SNTG1: variants seen among roughly 807,000 people sequenced by gnomAD.
SNTG1 encodes the protein syntrophin gamma 1, also known as gamma-1-syntrophin.
A neutral mutation model predicts 74.7 loss-of-function variants in SNTG1; 39 were observed. The observed-to-expected ratio is 0.52, with a 90% CI of 0.40 to 0.68. The LOEUF is 0.68. SNTG1 is among the 30% of genes least tolerant of loss of function. SNTG1 has a pLI of 0.00. For synonymous variants in SNTG1, 254 were observed against 217.1 expected (o/e 1.17, Z -1.49); for missense variants, 685 against 609.5 (o/e 1.12, Z -1.30).
intron 1 of SNTG1, among the ~76,000 whole-genome samples, chr8:50,082,364 A>C (rs1822489326): frequency 6.6e-6 from 1 of 152,148 alleles, no homozygotes; most frequent in Non-Finnish European, 1.5e-5. Flanking sequence ...TTGATAATGT[A>C]TGTTGTAATT....
At chr8:49,922,015 T>A (rs1311006003) in intron 1 of SNTG1, among the ~76,000 whole-genome samples, 2 of 152,128 alleles carry the variant, frequency 1.3e-5, no homozygotes, top group African/African-American at 2.4e-5. Flanking sequence ...CCTTCTCTGC[T>A]TTTCATGTTG....
rs536144016 is a variant in SNTG1 at position 49,994,960 on chromosome 8, A to G, written c.-103+82729A>G. ...TTAACAGAATGTAAGTGCTAGGAAA[A>G]AGGTGTAGTAATTGCATAGCCAAAT... On this transcript the variant is annotated intron_variant, in intron 1 of 18. Coordinates refer to ENST00000642720, the MANE Select transcript of SNTG1 (RefSeq NM_018967.5). 2.0e-5 allele frequency among the ~76,000 whole-genome samples: 3 copies of G among 152,204 alleles called. No homozygotes were observed. The South Asian group carries it at 6.2e-4, about 32-fold the overall frequency.
intron 18 of SNTG1, among the ~76,000 whole-genome samples, chr8:50,758,284 C>G (rs2095586779): frequency 6.6e-6 from 1 of 151,662 alleles, no homozygotes. Flanking sequence ...ACTGTGATGT[C>G]TTTTTTCCGT....
intron 2 of SNTG1, among the ~76,000 whole-genome samples, chr8:50,316,408 G>T (rs2090320547): frequency 6.6e-6 from 1 of 152,108 alleles, no homozygotes; most frequent in Non-Finnish European, 1.5e-5. Flanking sequence ...GTCGGAAAGA[G>T]GAATTAGTGC....
intron 11 of SNTG1, among the ~76,000 whole-genome samples, chr8:50,538,638 A>T (rs2094324819): frequency 6.6e-6 from 1 of 151,982 alleles, no homozygotes; most frequent in African/African-American, 2.4e-5. Flanking sequence ...TCAGAAGACT[A>T]ATTATGACGT....
At chr8:49,999,188 A>C (rs1182563772) in intron 1 of SNTG1, among the ~76,000 whole-genome samples, 1 of 152,192 alleles carries the variant, frequency 6.6e-6, no homozygotes, top group Non-Finnish European at 1.5e-5. Context: ...TAAGATATCC[A>C]AACCTAATAC....
At chr8:50,044,504 C>G (rs1487553286) in intron 1 of SNTG1, among the ~76,000 whole-genome samples, 2 of 152,148 alleles carry the variant, frequency 1.3e-5, no homozygotes, top group East Asian at 3.9e-4. Flanking sequence ...TTCATTTGAT[C>G]ATTCTCTACT....
chr8:49,987,488 G>C lies in SNTG1; in HGVS notation c.-103+75257G>C, dbSNP rs1163240680. Among the ~76,000 whole-genome samples the C allele has an allele frequency of 2.6e-5, 4 of 152,142 alleles. No individual in the cohort carries two copies. In the East Asian group the frequency reaches 7.7e-4, roughly 29 times the overall value. ...GTTTCCAAAATCTATTCTTGAAATA[G>C]GGCCCAAATTTAATTGGATCAGACA... On this transcript the variant is annotated intron_variant, in intron 1 of 18. Transcript: ENST00000642720.
chr8:50,197,030 G>A (rs1354865985), intron 2 of SNTG1, among the ~76,000 whole-genome samples: 1 of 151,812 alleles, frequency 6.6e-6, no homozygotes, highest in Non-Finnish European at 1.5e-5. Flanking sequence ...GAGAGAGAAA[G>A]AAAACAGGAA....
intron 5 of SNTG1, among the ~76,000 whole-genome samples, chr8:50,440,551 C>A (rs182392789): frequency 3.6e-4 from 55 of 152,192 alleles, no homozygotes; most frequent in Admixed American, 3.1e-3. Context: ...TTAAAAATAT[C>A]ATTCTAGGCT....
At chr8:50,421,086 A>G in intron 4 of SNTG1, among the ~76,000 whole-genome samples, 1 of 150,430 alleles carries the variant, frequency 6.6e-6, no homozygotes, top group Non-Finnish European at 1.5e-5. Context: ...ATTTAAATGA[A>G]AGTAAGGTTT....
intron 1 of SNTG1, among the ~76,000 whole-genome samples, chr8:50,121,383 C>G (rs2080993870): frequency 7.0e-6 from 1 of 141,976 alleles, no homozygotes; most frequent in Non-Finnish European, 1.6e-5. Flanking sequence ...ATGTGCACTG[C>G]TCAGAAACCC....
intron 1 of SNTG1, among the ~76,000 whole-genome samples, chr8:49,971,725 A>G (rs1384672946): frequency 6.6e-6 from 1 of 152,156 alleles, no homozygotes; most frequent in Non-Finnish European, 1.5e-5. Flanking sequence ...CCAATAACAG[A>G]CAAACAGAGA....
intron 4 of SNTG1, among the ~76,000 whole-genome samples, chr8:50,402,664 G>T (rs1468572878): frequency 6.6e-6 from 1 of 152,104 alleles, no homozygotes; most frequent in Admixed American, 6.6e-5. Context: ...CATGGTGATG[G>T]CTTTTGCTCT....
chr8:50,189,947 T>A (rs533154235), intron 2 of SNTG1, among the ~76,000 whole-genome samples: 121 of 152,248 alleles, frequency 7.9e-4, no homozygotes, highest in African/African-American at 2.7e-3. Context: ...CTAGAACACG[T>A]TTGAGTGAAG....
chr8:50,692,579 G>A (rs112422431), intron 15 of SNTG1, among the ~76,000 whole-genome samples: 14 of 152,146 alleles, frequency 9.2e-5, no homozygotes, highest in South Asian at 2.1e-4. Flanking sequence ...TTAGTGAACC[G>A]CAAATGCTGC....
At chr8:50,654,083 TTTTG>T (rs775870984) in intron 13 of SNTG1, among the ~76,000 whole-genome samples, 1 of 152,170 alleles carries the variant, frequency 6.6e-6, no homozygotes, top group African/African-American at 2.4e-5. Flanking sequence ...CTAGCTTTTG[TTTTG>T]TTTGTCTTCT....
chr8:50,157,492 A>ACAAAATACATATTAGTATACC (rs2082289059), intron 1 of SNTG1, among the ~76,000 whole-genome samples: 1 of 152,130 alleles, frequency 6.6e-6, no homozygotes, highest in Admixed American at 6.6e-5. Flanking sequence ...ATTAGTATAC[A>ACAAAATACATATTAGTATACC]CAAAATACAT....
chr8:50,584,432 T>A (rs1401221221), intron 12 of SNTG1, among the ~76,000 whole-genome samples: 2 of 152,094 alleles, frequency 1.3e-5, no homozygotes, highest in African/African-American at 2.4e-5. Context: ...CACCTACTGT[T>A]TCCTGACTTT....
Sources: allele counts gnomAD v4.1 joint callset (sites outside exome capture counted in the v4.1 genomes callset), GRCh38; gene constraint gnomAD v4.1.1; transcripts MANE v1.5; gene names NCBI Gene and HGNC (gene_info 2026-07-23, HGNC 2026-07-21).